Variants in MBOAT1 observed in about 807,000 individuals in gnomAD.
MBOAT1 encodes membrane bound glycerophospholipid O-acyltransferase 1.
In MBOAT1, 67 loss-of-function variants were observed where a neutral mutation model predicts 64.4. The observed-to-expected ratio is 1.04, with a 90% confidence interval of 0.85 to 1.27. The LOEUF (loss-of-function observed/expected upper bound fraction) is 1.27, where lower values mean the gene tolerates loss of function less well. MBOAT1 is among the 50% of genes most tolerant of loss of function. The pLI is 0.00. For missense variants in MBOAT1, 563 were observed against 604.6 expected (o/e 0.93, Z 0.72); for synonymous variants, 229 against 218.9 (o/e 1.05, Z -0.41).
In MBOAT1 at chr6:20,126,621, T is replaced by TGAAATTGTTACAAGGACCAG; in HGVS notation, c.590_609dup (p.Lys204LeufsTer11). The TGAAATTGTTACAAGGACCAG allele has an allele frequency of 6.2e-7, 1 of 1,613,758 alleles. No homozygotes were observed. The highest frequency in any genetic ancestry group is 8.5e-7 in the Non-Finnish European group (1 of 1,179,856). Reference sequence around the variant, plus strand: ...CCCTCAATGAAGGCTATGTAGTCCTTGAAATTGTTACAAGGACCAGCTATG... The same window carrying TGAAATTGTTACAAGGACCAG: ...CCCTCAATGAAGGCTATGTAGTCCTTGAAATTGTTACAAGGACCAGGAAATTGTTACAAGGACCAGCTATG... On this transcript the variant is annotated frameshift_variant, in exon 7 of 13. Coordinates refer to ENST00000324607, the MANE Select transcript of MBOAT1 (RefSeq NM_001080480.3). LOFTEE classifies it high-confidence loss of function.
chr6:20,173,204 T>C (rs879558872), intron 1 of MBOAT1, among the ~76,000 whole-genome samples: 1 of 152,200 alleles, frequency 6.6e-6, no homozygotes, highest in Non-Finnish European at 1.5e-5. Context: ...TTTTACTAAA[T>C]TACCCACTCT....
intron 1 of MBOAT1, among the ~76,000 whole-genome samples, chr6:20,207,796 C>G (rs907899449): frequency 2.6e-5 from 4 of 152,232 alleles, no homozygotes; most frequent in African/African-American, 9.6e-5. Flanking sequence ...TCCAGCATGT[C>G]CTGTGGGCAT....
At chr6:20,195,456 T>C (rs1762927941) in intron 1 of MBOAT1, among the ~76,000 whole-genome samples, 1 of 152,200 alleles carries the variant, frequency 6.6e-6, no homozygotes, top group African/African-American at 2.4e-5. Context: ...GTATATATTC[T>C]GGCCCAATCC....
intron 1 of MBOAT1, among the ~76,000 whole-genome samples, chr6:20,172,210 G>A (rs188602940): frequency 2.2e-4 from 34 of 152,130 alleles, no homozygotes; most frequent in Admixed American, 1.2e-3. Context: ...TGAGGCAGGC[G>A]GATCACGAGG....
intron 1 of MBOAT1, among the ~76,000 whole-genome samples, chr6:20,207,732 A>C (rs960171063): frequency 2.0e-5 from 3 of 152,242 alleles, no homozygotes; most frequent in Non-Finnish European, 2.9e-5. Flanking sequence ...GATAACTAAC[A>C]ATATAAGGTA....
At position 20,212,466 on chromosome 6, in the gene MBOAT1, A is replaced by G; in HGVS notation, c.-232T>C. ...GCGCTGCAGCCACGGGCGCCGTAGG[A>G]GGGCCGGGCCCAAGGCGCCCCGCTT... On this transcript the variant is annotated 5_prime_UTR_variant, in exon 1 of 13. Coordinates refer to ENST00000324607, the MANE Select transcript of MBOAT1 (RefSeq NM_001080480.3). 3.7e-6 allele frequency: 2 copies of G among 539,942 alleles called. No homozygotes were observed. Among genetic ancestry groups the G allele is most frequent in the Non-Finnish European group, 6.5e-6 (2 of 305,370 alleles). The allele number at this position is 539,942 out of a possible 1,614,324, so 33.4% of individuals were successfully genotyped here. A position where few individuals can be genotyped will look rare whatever the true frequency, so the allele number is the denominator to read the frequency against.
At chr6:20,211,113 G>A (rs949412963) in intron 1 of MBOAT1, among the ~76,000 whole-genome samples, 4 of 152,178 alleles carry the variant, frequency 2.6e-5, no homozygotes, top group Non-Finnish European at 5.9e-5. Context: ...GAGTGAGCCA[G>A]GTATGAGGGT....
chr6:20,142,061 T>C (rs1222002846), intron 4 of MBOAT1, among the ~76,000 whole-genome samples: 1 of 140,842 alleles, frequency 7.1e-6, no homozygotes, highest in African/African-American at 2.5e-5. Flanking sequence ...CAGAAATGAA[T>C]AGATGCTTCC....
At chr6:20,145,096 G>A (rs1761292910) in intron 3 of MBOAT1, among the ~76,000 whole-genome samples, 1 of 152,188 alleles carries the variant, frequency 6.6e-6, no homozygotes, top group Non-Finnish European at 1.5e-5. Context: ...GAATGATTAT[G>A]TCTCCCTAAA....
At chr6:20,111,973 C>T (rs1760185176) in intron 11 of MBOAT1, among the ~76,000 whole-genome samples, 1 of 148,684 alleles carries the variant, frequency 6.7e-6, no homozygotes, top group Admixed American at 6.8e-5. Context: ...TATCCCAGCG[C>T]CTAGAACACT....
chr6:20,160,834 C>G (rs919674423), intron 1 of MBOAT1, among the ~76,000 whole-genome samples: 13 of 152,238 alleles, frequency 8.5e-5, no homozygotes, highest in African/African-American at 2.7e-4. Context: ...GTTACACTTT[C>G]ATTCCACACT....
intron 3 of MBOAT1, among the ~76,000 whole-genome samples, chr6:20,144,523 C>T (rs909281559): frequency 6.6e-6 from 1 of 152,150 alleles, no homozygotes; most frequent in Non-Finnish European, 1.5e-5. Context: ...GGCTGTCAGC[C>T]TTAGCTGCAT....
At chr6:20,152,339 TA>T (rs67093680) in intron 2 of MBOAT1, among the ~76,000 whole-genome samples, 56,988 of 135,880 alleles carry the variant, frequency 0.42, 12,008 homozygotes, top group Admixed American at 0.44. Flanking sequence ...AAAAAAAAAA[TA>T]AAAAATAAAT....
At chr6:20,166,983 A>AAAAAG (rs545837997) in intron 1 of MBOAT1, among the ~76,000 whole-genome samples, 42 of 152,216 alleles carry the variant, frequency 2.8e-4, no homozygotes, top group African/African-American at 8.2e-4. Context: ...AGGGAAAAGG[A>AAAAAG]AAAAGAAAAG....
rs1760289438 is a variant in MBOAT1 at position 20,115,353 on chromosome 6, C to G, written c.1012-1G>C. On this transcript the variant is annotated splice_acceptor_variant, in intron 9 of 12. Coordinates refer to ENST00000324607, the MANE Select transcript of MBOAT1 (RefSeq NM_001080480.3). LOFTEE classifies it high-confidence loss of function. ...AGTACATTTTGAAACTTGTGGCAGT[C>G]TGGAAAGAAGAAAATAACACCTATC... 6.2e-7 allele frequency: 1 copy of G among 1,612,752 alleles called. No homozygotes were observed. Among genetic ancestry groups the G allele is most frequent in the Admixed American group, 1.7e-5 (1 of 60,018 alleles).
chr6:20,198,328 A>G (rs1423946572), intron 1 of MBOAT1, among the ~76,000 whole-genome samples: 2 of 152,328 alleles, frequency 1.3e-5, no homozygotes, highest in Admixed American at 1.3e-4. Flanking sequence ...AAAATCCTGC[A>G]AGTCATTTCT....
At chr6:20,167,589 G>A (rs897348617) in intron 1 of MBOAT1, among the ~76,000 whole-genome samples, 5 of 152,222 alleles carry the variant, frequency 3.3e-5, no homozygotes, top group African/African-American at 9.6e-5. Flanking sequence ...TATAAAAAGG[G>A]TGGAGTTACC....
chr6:20,161,512 C>T (rs1761860940), intron 1 of MBOAT1, among the ~76,000 whole-genome samples: 1 of 152,134 alleles, frequency 6.6e-6, no homozygotes, highest in South Asian at 2.1e-4. Context: ...CTGCTGCTCT[C>T]ATTGATATTG....
intron 1 of MBOAT1, among the ~76,000 whole-genome samples, chr6:20,173,459 T>C (rs1435731838): frequency 2.0e-5 from 3 of 152,172 alleles, no homozygotes; most frequent in Admixed American, 6.5e-5. Flanking sequence ...GATACCACAT[T>C]GAATGGAAAT....
Sources: allele counts gnomAD v4.1 joint callset (sites outside exome capture counted in the v4.1 genomes callset), GRCh38; gene constraint gnomAD v4.1.1; transcripts MANE v1.5; gene names NCBI Gene and HGNC (gene_info 2026-07-23, HGNC 2026-07-21).